CASZ1: variants seen among roughly 807,000 people sequenced by gnomAD.
CASZ1 encodes the protein castor zinc finger 1, also known as zinc finger protein castor homolog 1.
A neutral mutation model predicts 135.2 loss-of-function variants in CASZ1; 28 were observed. That is an observed-to-expected ratio of 0.21 (90% CI 0.15 to 0.28). The LOEUF is 0.28. CASZ1 is among the 10% of genes least tolerant of loss of function. The pLI, the probability that CASZ1 is intolerant of heterozygous loss-of-function variation, is 1.00. For missense variants in CASZ1, 2,161 were observed against 2,453.3 expected, an observed-to-expected ratio of 0.88 and a Z score of 2.52; for synonymous variants, 1,068 against 1,073.4, an observed-to-expected ratio of 0.99 and a Z score of 0.10.
Position 10,710,394 on chromosome 1 carries a change from G to A in CASZ1, c.-76-4850C>T, listed in dbSNP as rs774059002. On this transcript the variant is annotated intron_variant, in intron 2 of 20. Transcript: ENST00000377022. ...CCCACCCCTCCTGAGACCCCCTTAG[G>A]AGGAAGCAACGCCTCCATTTCCCAG... 7.9e-5 allele frequency among the ~76,000 whole-genome samples: 12 copies of A among 152,178 alleles called. 1 individual carries two copies. Among genetic ancestry groups the A allele is most frequent in the Admixed American group, 7.2e-4 (11 of 15,286 alleles).
chr1:10,642,176 A>G, intron 20 of CASZ1: 1 of 105,646 alleles, frequency 9.5e-6, no homozygotes, highest in Admixed American at 1.1e-4. Context: ...CAGGACGGAG[A>G]GAAGAGGCAG....
At chr1:10,737,155 G>A (rs1378474817) in intron 2 of CASZ1, among the ~76,000 whole-genome samples, 2 of 152,194 alleles carry the variant, frequency 1.3e-5, no homozygotes, top group Non-Finnish European at 2.9e-5. Flanking sequence ...GCCACTGGGC[G>A]ATCAATGAGG....
chr1:10,706,639 T>C lies in CASZ1; in HGVS notation c.-76-1095A>G, dbSNP rs59698951. On this transcript the variant is annotated intron_variant, in intron 2 of 20. Coordinates refer to ENST00000377022, the MANE Select transcript of CASZ1 (RefSeq NM_001079843.3). The surrounding 1 kb of genome is among the most constrained non-coding windows in gnomAD (Gnocchi z 4.3). ...GACATATTTAGACAGATAATGCTAA[T>C]TGTACTTGACACGTCCTCTTAAGGA... 7.0e-3 allele frequency among the ~76,000 whole-genome samples: 1,061 copies of C among 152,312 alleles called. 16 individuals are homozygous for C. Among genetic ancestry groups the C allele is most frequent in the African/African-American group, 0.024 (1,007 of 41,562 alleles).
chr1:10,675,636 TC>T (rs1425400263), intron 4 of CASZ1, among the ~76,000 whole-genome samples: 3 of 152,054 alleles, frequency 2.0e-5, no homozygotes, highest in African/African-American at 2.4e-5. Context: ...AGTTAATGAT[TC>T]CTGGGGCTGG....
intron 5 of CASZ1, among the ~76,000 whole-genome samples, chr1:10,662,078 C>T (rs1247811283): frequency 6.7e-6 from 1 of 150,002 alleles, no homozygotes; most frequent in Non-Finnish European, 1.5e-5. Context: ...CACGCATTCT[C>T]ACACACACCC....
At chr1:10,749,946 T>C (rs1322774447) in intron 2 of CASZ1, among the ~76,000 whole-genome samples, 2 of 152,204 alleles carry the variant, frequency 1.3e-5, no homozygotes, top group African/African-American at 4.8e-5. Context: ...CAGACACCCC[T>C]GCTGGCTCTC....
At chr1:10,772,820 G>A (rs897949482) in intron 1 of CASZ1, among the ~76,000 whole-genome samples, 1 of 152,180 alleles carries the variant, frequency 6.6e-6, no homozygotes, top group African/African-American at 2.4e-5. Flanking sequence ...ATGAAGAGCT[G>A]TATGGGTGGG....
Position 10,700,435 on chromosome 1 carries a change from G to T in CASZ1, c.-24+5057C>A, listed in dbSNP as rs1236323788. On this transcript the variant is annotated intron_variant, in intron 3 of 20. Transcript: ENST00000377022. This position sits in a 1 kb window ranked among gnomAD's most constrained non-coding sequence, Gnocchi z 4.2. ...TTATGGGAGGTGTGAGGTTTTCTAT[G>T]TGGAGCTGCCAGCGTACTTGGGGAG... Among the ~76,000 whole-genome samples, 4 of 152,198 alleles carry T rather than the reference G, an allele frequency of 2.6e-5. No individual in the cohort carries two copies. The highest frequency in any genetic ancestry group is 9.7e-5 in the African/African-American group (4 of 41,448).
At chr1:10,685,352 G>C (rs543053632) in intron 4 of CASZ1, among the ~76,000 whole-genome samples, 1 of 152,192 alleles carries the variant, frequency 6.6e-6, no homozygotes, top group African/African-American at 2.4e-5. Context: ...CCATGAACCC[G>C]CTGGTGACAG....
intron 10 of CASZ1, 85 bp downstream of exon 10, chr1:10,654,334 G>A: frequency 6.3e-7 from 1 of 1,576,880 alleles, no homozygotes; most frequent in Non-Finnish European, 8.6e-7. Context: ...CACCGAGGCA[G>A]GGGCCTGAGC....
chr1:10,787,115 G>A (rs925919820), intron 1 of CASZ1, among the ~76,000 whole-genome samples: 2 of 152,208 alleles, frequency 1.3e-5, no homozygotes, highest in Admixed American at 1.3e-4. Context: ...CCAACCATCA[G>A]GACACCCTTC....
rs574836543 is a variant in CASZ1 at position 10,693,777 on chromosome 1, G to A, written c.16+97C>T. On this transcript the variant is annotated intron_variant, in intron 4 of 20. Transcript: ENST00000377022. ...GCCCGACCCTCCCGGCCCCCACCCG[G>A]CCCCGCCGCCACCTCATTGGGCTAA... 1.3e-5 allele frequency: 10 copies of A among 757,014 alleles called. No homozygotes were observed. In the African/African-American group the frequency reaches 1.6e-4, roughly 12 times the overall value. The allele number at this position is 757,014 out of a possible 1,614,324, so 46.9% of individuals were successfully genotyped here.
At chr1:10,785,211 C>T (rs1229419103) in intron 1 of CASZ1, among the ~76,000 whole-genome samples, 1 of 74,942 alleles carries the variant, frequency 1.3e-5, no homozygotes, top group Admixed American at 1.5e-4. Flanking sequence ...TTTCTCTTTT[C>T]CTTATCCTTA....
At chr1:10,740,882 C>T (rs1639904523) in intron 2 of CASZ1, among the ~76,000 whole-genome samples, 2 of 134,520 alleles carry the variant, frequency 1.5e-5, no homozygotes, top group African/African-American at 5.5e-5. Context: ...TACTTGAGCC[C>T]AGGAGGTGGA....
At chr1:10,789,131 G>A (rs1424185247) in intron 1 of CASZ1, among the ~76,000 whole-genome samples, 2 of 152,110 alleles carry the variant, frequency 1.3e-5, no homozygotes, top group South Asian at 2.1e-4. Context: ...TGGCGCCCAG[G>A]AGAAAGCAAA....
At chr1:10,754,016 C>T (rs910895030) in intron 2 of CASZ1, among the ~76,000 whole-genome samples, 24 of 152,174 alleles carry the variant, frequency 1.6e-4, no homozygotes, top group Non-Finnish European at 2.4e-4. Flanking sequence ...GCTCTAGCCA[C>T]GCTGGTCTCC....
At chr1:10,649,508 C>A in intron 13 of CASZ1, 71 bp from the exon 14 acceptor site, 1 of 1,506,496 alleles carries the variant, frequency 6.6e-7, no homozygotes, top group South Asian at 1.3e-5. Context: ...TGGGGAGCAA[C>A]AGCCGAAGCT....
rs1638884037 is a variant in CASZ1 at position 10,694,699 on chromosome 1, C to CCCGCCGCGCGCCCCCGCCGCGCGCG, written c.-23-788_-23-787insCGCGCGCGGCGGGGGCGCGCGGCGG. Among the ~76,000 whole-genome samples the CCCGCCGCGCGCCCCCGCCGCGCGCG allele has an allele frequency of 7.1e-6, 1 of 140,642 alleles. No homozygotes were observed. Among genetic ancestry groups the CCCGCCGCGCGCCCCCGCCGCGCGCG allele is most frequent in the Non-Finnish European group, 1.6e-5 (1 of 63,576 alleles). The allele number at this position is 140,642 out of a possible 152,430, so 92.3% of individuals were successfully genotyped here. A position where few individuals can be genotyped will look rare whatever the true frequency, so the allele number is the denominator to read the frequency against. ...GCTCGCTCGCGCCCCCGCCGCGCGC[C>CCCGCCGCGCGCCCCCGCCGCGCGCG]CCCGCCGCGCGCGCCCGCGCCGCAC... On this transcript the variant is annotated intron_variant, in intron 3 of 20. Transcript: ENST00000377022. The surrounding 1 kb of genome is among the most constrained non-coding windows in gnomAD (Gnocchi z 6.6).
rs1639601585 is a variant in CASZ1, at chr1:10,726,566, G to A, written c.-76-21022C>T. On this transcript the variant is annotated intron_variant, in intron 2 of 20. Transcript: ENST00000377022. The surrounding 1 kb of genome is among the most constrained non-coding windows in gnomAD (Gnocchi z 5.7). ...AAGGCTGCATGCCAATCCGGCCAGA[G>A]GAAACACCGGGCACGGGGAATGGAG... Among the ~76,000 whole-genome samples the A allele has an allele frequency of 6.6e-6, 1 of 152,242 alleles. No homozygotes were observed. The highest frequency in any genetic ancestry group is 2.1e-4 in the South Asian group (1 of 4,834).
Sources: allele counts gnomAD v4.1 joint callset (sites outside exome capture counted in the v4.1 genomes callset), GRCh38; gene constraint gnomAD v4.1.1; non-coding constraint Gnocchi (gnomAD v3.1); transcripts MANE v1.5; gene names NCBI Gene and HGNC (gene_info 2026-07-23, HGNC 2026-07-21).